Variants in C5 observed in about 807,000 individuals in gnomAD.
The protein encoded by C5 is C3 and PZP-like alpha-2-macroglobulin domain-containing protein 4.
In C5, 140 loss-of-function variants were observed where a neutral mutation model predicts 218.8. That is an observed-to-expected ratio of 0.64 (90% CI 0.56 to 0.74). C5 has a LOEUF of 0.74. Among genes scored for constraint, C5 ranks in the 30% least tolerant of loss-of-function variants. C5 has a pLI of 0.00. For missense variants in C5, 1,700 were observed against 1,969.6 expected (o/e 0.86, Z 2.59); for synonymous variants, 614 against 682.3 (o/e 0.90, Z 1.56).
At chr9:121,015,496 G>A (rs920297457) in intron 15 of C5, among the ~76,000 whole-genome samples, 1 of 152,030 alleles carries the variant, frequency 6.6e-6, no homozygotes, top group Non-Finnish European at 1.5e-5. Flanking sequence ...TCTGAATTTG[G>A]TTTTGAATCC....
chr9:120,958,915 A>G (rs751880163), intron 38 of C5, among the ~76,000 whole-genome samples: 1 of 152,080 alleles, frequency 6.6e-6, no homozygotes, highest in Non-Finnish European at 1.5e-5. Context: ...CTTCCCAAGT[A>G]GCTAGGACTA....
intron 22 of C5, among the ~76,000 whole-genome samples, chr9:120,995,637 T>C (rs2047110443): frequency 6.6e-6 from 1 of 152,058 alleles, no homozygotes; most frequent in South Asian, 2.1e-4. Context: ...TAATAATATA[T>C]TATAAATTAT....
At chr9:120,990,221 G>A (rs956205161) in intron 23 of C5, among the ~76,000 whole-genome samples, 1 of 152,190 alleles carries the variant, frequency 6.6e-6, no homozygotes, top group African/African-American at 2.4e-5. Context: ...GGTTGCACAT[G>A]ATCAAAAAGA....
intron 11 of C5, among the ~76,000 whole-genome samples, 191 bp from the exon 12 acceptor site, chr9:121,020,370 G>A (rs190978247): frequency 4.6e-5 from 7 of 152,290 alleles, no homozygotes; most frequent in Admixed American, 4.6e-4. Flanking sequence ...AAAGACTACA[G>A]ACAAGAATGA....
At chr9:120,990,967 G>A (rs1034502512) in intron 23 of C5, among the ~76,000 whole-genome samples, 1 of 152,180 alleles carries the variant, frequency 6.6e-6, no homozygotes, top group Non-Finnish European at 1.5e-5. Flanking sequence ...CCTTCCATTG[G>A]AGGAGAATGC....
chr9:120,974,831 G>A lies in C5; in HGVS notation c.3965C>T (p.Ala1322Val). 1 of 1,613,852 alleles carries A rather than the reference G, an allele frequency of 6.2e-7. No homozygotes were observed. The change falls in exon 30 of 41, where the codon GCC becomes GTC. Residue 1322 changes from alanine to valine, a missense_variant. Transcript: ENST00000223642. ...GTCTGTCATTTTATAATTATGTAAGGCACCTTTATGCTTGTAAGAAACATC... is the reference window on the plus strand; with the variant it reads ...GTCTGTCATTTTATAATTATGTAAGACACCTTTATGCTTGTAAGAAACATC... Reference protein sequence around the residue: ...DIDVSYKHKGALHNYKMTDKN... With the variant: ...DIDVSYKHKGVLHNYKMTDKN...
At chr9:121,069,069 G>A in the C5 span, among the ~76,000 whole-genome samples, 14 of 152,086 alleles carry the variant, frequency 9.2e-5, no homozygotes, top group Admixed American at 9.2e-4. Flanking sequence ...TAGGGGAAAT[G>A]GTTCCGGACA....
chr9:121,022,037 G>T (rs1258609036), intron 10 of C5, among the ~76,000 whole-genome samples: 1 of 152,142 alleles, frequency 6.6e-6, no homozygotes, highest in African/African-American at 2.4e-5. Flanking sequence ...CTTATAGAAA[G>T]ATTTAATTCT....
the C5 span, among the ~76,000 whole-genome samples, chr9:121,068,151 G>T: frequency 6.6e-6 from 1 of 151,938 alleles, no homozygotes; most frequent in Admixed American, 6.6e-5. Context: ...ATAAGAAAAA[G>T]AAATAAAAGA....
chr9:121,034,166 G>A (rs530186027), intron 5 of C5, among the ~76,000 whole-genome samples: 4 of 152,148 alleles, frequency 2.6e-5, no homozygotes, highest in East Asian at 3.9e-4. Flanking sequence ...GTGATCCACC[G>A]ACATTGGCCT....
Position 121,013,769 on chromosome 9 carries a change from C to T in C5, c.2257+104G>A, listed in dbSNP as rs41309858. On this transcript the variant is annotated intron_variant, in intron 17 of 40. Coordinates refer to ENST00000223642, the MANE Select transcript of C5 (RefSeq NM_001735.3). ...GGACATTTACAAGTTATCTTTTCTA[C>T]TTTCAATTCTAAATAGATCATGAAA... is the stretch of plus-strand genomic sequence containing the variant. 8,037 of 1,052,244 alleles carry T rather than the reference C, an allele frequency of 7.6e-3. 121 individuals carry two copies. The highest frequency in any genetic ancestry group is 0.019 in the Middle Eastern group (91 of 4,820). The allele number at this position is 1,052,244 out of a possible 1,614,324, so 65.2% of individuals were successfully genotyped here.
Position 121,008,389 on chromosome 9 carries a change from CATGAAAGAAGTATA to C in C5, c.2348+5_2348+18del, listed in dbSNP as rs768572704. ...ATTATCCACATTTCTTTCAAGGAAA[CATGAAAGAAGTATA>C]ATACCTTCTGGGAACAAGATGAACT... On this transcript the variant is annotated splice_donor_5th_base_variant and intron_variant, in intron 18 of 40. Transcript: ENST00000223642. The C allele has an allele frequency of 1.3e-6, 2 of 1,573,896 alleles. No individual in the cohort carries two copies. Among genetic ancestry groups the C allele is most frequent in the South Asian group, 2.2e-5 (2 of 90,156 alleles).
chr9:120,958,075 A>G (rs1347567162), intron 38 of C5, among the ~76,000 whole-genome samples: 1 of 152,190 alleles, frequency 6.6e-6, no homozygotes, highest in Non-Finnish European at 1.5e-5. Flanking sequence ...TTAGTGACCT[A>G]AAAGATTTGT....
intron 20 of C5, among the ~76,000 whole-genome samples, chr9:121,004,862 T>C (rs28401597): frequency 9.7e-4 from 147 of 152,302 alleles, no homozygotes; most frequent in African/African-American, 3.4e-3. Context: ...ACAGTTTTAT[T>C]TTAAGATACC....
In C5 at chr9:120,952,689, A is replaced by G; in HGVS notation, c.*50T>C. ...GAAGAAAACAAAAAAACGAACTTCAACAACAGGAGTCCATAAGTGCAAACT... is the reference window on the plus strand; with the variant it reads ...GAAGAAAACAAAAAAACGAACTTCAGCAACAGGAGTCCATAAGTGCAAACT... On this transcript the variant is annotated 3_prime_UTR_variant, in exon 41 of 41. Transcript: ENST00000223642. 1 of 1,601,586 alleles carries G rather than the reference A, an allele frequency of 6.2e-7. No individual in the cohort carries two copies. The highest frequency in any genetic ancestry group is 8.5e-7 in the Non-Finnish European group (1 of 1,172,438).
At chr9:120,956,887 A>AG (rs1366509877) in intron 39 of C5, 1 of 274,388 alleles carries the variant, frequency 3.6e-6, no homozygotes, top group Non-Finnish European at 7.1e-6. Flanking sequence ...TTGAGGGTAG[A>AG]GGGTGAGGAT....
At chr9:120,992,470 T>C (rs1451154717) in intron 22 of C5, among the ~76,000 whole-genome samples, 2 of 152,198 alleles carry the variant, frequency 1.3e-5, no homozygotes, top group African/African-American at 4.8e-5. Context: ...AAAAATAATA[T>C]AGACAAAGAG....
At chr9:120,991,902 T>A (rs549724904) in intron 22 of C5, among the ~76,000 whole-genome samples, 6 of 152,350 alleles carry the variant, frequency 3.9e-5, no homozygotes, top group Admixed American at 6.5e-5. Context: ...CAGTCCTCTA[T>A]GTTAGGTCTA....
chr9:121,030,548 G>T, intron 6 of C5, 61 bp from the exon 7 acceptor site: 1 of 934,696 alleles, frequency 1.1e-6, no homozygotes, highest in African/African-American at 1.7e-5. Context: ...TTAAAGCCTA[G>T]CAAACAGCTA....
Sources: gnomAD v4.1 joint callset for allele counts (sites outside exome capture counted in the v4.1 genomes callset) on GRCh38, gnomAD v4.1.1 for gene constraint, MANE v1.5 for transcripts, NCBI Gene and HGNC (gene_info 2026-07-23, HGNC 2026-07-21) for gene names.